The following COQ8A variants were observed in gnomAD, a reference collection of about 807,000 sequenced individuals.
COQ8A encodes the protein atypical kinase COQ8A, mitochondrial.
COQ8A carries 51 observed loss-of-function variants against 65.0 expected under a neutral mutation model. The ratio of observed to expected loss-of-function variants is 0.78; its 90% CI spans 0.63 to 0.99. The LOEUF (loss-of-function observed/expected upper bound fraction) is 0.99, where lower values mean the gene tolerates loss of function less well. COQ8A is among the 50% of genes least tolerant of loss of function. The pLI, the probability that COQ8A is intolerant of heterozygous loss-of-function variation, is 0.00. For missense variants in COQ8A, 940 were observed against 875.0 expected, an observed-to-expected ratio of 1.07 and a Z score of -0.94; for synonymous variants, 371 against 353.2, an observed-to-expected ratio of 1.05 and a Z score of -0.57.
At position 226,986,464 on chromosome 1, in the gene COQ8A, C is replaced by G. The variant is rs370899166; in HGVS notation, c.1671C>G (p.Asp557Glu). Residue 557 changes from aspartate (D) to glutamate (E), a missense_variant, in exon 15 of 15, where the codon GAC (aspartate) becomes GAG (glutamate). Coordinates refer to ENST00000366777, the MANE Select transcript of COQ8A (RefSeq NM_020247.5). ...CTCTCTTGCCCCAGGTCATGGAAGA[C>G]GCCCACTTGGATGCCATCCTCATCC... The part of the protein sequence containing the change: ...LTGYEVKVME[D>E]AHLDAILILG... The G allele has an allele frequency of 4.3e-6, 7 of 1,612,546 alleles. No individual in the cohort carries two copies. The African/African-American group carries it at 9.3e-5, about 22-fold the overall frequency.
At chr1:226,942,116 A>C (rs1201089566) in intron 1 of COQ8A, among the ~76,000 whole-genome samples, 2 of 152,002 alleles carry the variant, frequency 1.3e-5, no homozygotes, top group African/African-American at 4.8e-5. Context: ...GTGTTTCCAG[A>C]CATTGCCACG....
rs1039738620 is a variant in COQ8A at position 226,977,720 on chromosome 1, G to T, written c.730+197G>T. 2.5e-4 allele frequency among the ~76,000 whole-genome samples: 38 copies of T among 152,048 alleles called. 1 individual carries two copies. The highest frequency in any genetic ancestry group is 2.4e-3 in the Admixed American group (37 of 15,280). ...ACCTGCTTTAGAGGGGGTGAGGCTG[G>T]AGGCCCTTCCTCCTCCCAGCCCAAA... On this transcript the variant is annotated intron_variant, in intron 5 of 14. Transcript: ENST00000366777.
intron 1 of COQ8A, among the ~76,000 whole-genome samples, chr1:226,947,246 G>A (rs1324688805): frequency 6.6e-6 from 1 of 152,220 alleles, no homozygotes; most frequent in African/African-American, 2.4e-5. Context: ...TAGGCAGTAA[G>A]AAGAAAGGAC....
At chr1:226,964,272 CTG>C (rs1383166635) in intron 2 of COQ8A, among the ~76,000 whole-genome samples, 1 of 152,212 alleles carries the variant, frequency 6.6e-6, no homozygotes, top group East Asian at 1.9e-4. Context: ...GTAACTGTGA[CTG>C]TGAGGAGCCC....
chr1:226,973,364 C>T (rs983937245), intron 4 of COQ8A, among the ~76,000 whole-genome samples: 2 of 152,190 alleles, frequency 1.3e-5, no homozygotes, highest in Non-Finnish European at 2.9e-5. Flanking sequence ...CTTATTCTCT[C>T]CTGTTACAGA....
At chr1:226,941,557 A>G (rs1294684737) in intron 1 of COQ8A, among the ~76,000 whole-genome samples, 1 of 152,058 alleles carries the variant, frequency 6.6e-6, no homozygotes. Flanking sequence ...ACCGTAGGTC[A>G]GGAGTTCGAG....
At chr1:226,951,404 C>T (rs1657373659) in intron 1 of COQ8A, among the ~76,000 whole-genome samples, 1 of 152,162 alleles carries the variant, frequency 6.6e-6, no homozygotes, top group African/African-American at 2.4e-5. Context: ...CATTGGACAA[C>T]CCCTCCCAGC....
rs747707162 is a variant in COQ8A at position 226,982,986 on chromosome 1, G to A, written c.1032G>A (p.Val344=). 2.5e-5 allele frequency: 40 copies of A among 1,601,240 alleles called. No homozygotes were observed. In the African/African-American group the frequency reaches 4.8e-4, roughly 19 times the overall value. ...RPFAAASIGQ[V]HLARMKGGRE... ...TCGCCGCCGCATCCATTGGGCAGGT[G>A]CACTTGGCCCGAATGAAGGGCGGCC... is the stretch of plus-strand genomic sequence containing the variant. Residue 344 remains valine (V), a synonymous_variant, in exon 8 of 15, where the codon GTG becomes GTA. Coordinates refer to ENST00000366777, the MANE Select transcript of COQ8A (RefSeq NM_020247.5).
At chr1:226,958,607 A>G (rs953899630) in intron 1 of COQ8A, among the ~76,000 whole-genome samples, 1 of 152,192 alleles carries the variant, frequency 6.6e-6, no homozygotes, top group Non-Finnish European at 1.5e-5. Context: ...GAGGTCAGTG[A>G]ACTTGTGTTG....
chr1:226,959,831 T>C (rs1185211918), intron 1 of COQ8A, among the ~76,000 whole-genome samples: 2 of 152,208 alleles, frequency 1.3e-5, no homozygotes, highest in Non-Finnish European at 2.9e-5. Context: ...ACTGTTTAGG[T>C]AGGAAGAAAG....
In COQ8A at chr1:226,970,565, C is replaced by T. The variant is rs144336734; in HGVS notation, c.655+4828C>T. On this transcript the variant is annotated intron_variant, in intron 4 of 14. Coordinates refer to ENST00000366777, the MANE Select transcript of COQ8A (RefSeq NM_020247.5). ...ACTGAAATGTTACATGATGCGTGACCGTGCATGTTCTCTCTTTGTTAGCTC... is the reference window on the plus strand; with the variant it reads ...ACTGAAATGTTACATGATGCGTGACTGTGCATGTTCTCTCTTTGTTAGCTC... Among the ~76,000 whole-genome samples, 249 of 152,284 alleles carry T rather than the reference C, an allele frequency of 1.6e-3. 2 individuals carry two copies. The highest frequency in any genetic ancestry group is 3.0e-3 in the Non-Finnish European group (203 of 68,014).
chr1:226,945,612 G>A (rs552620565), intron 1 of COQ8A, among the ~76,000 whole-genome samples: 2 of 152,322 alleles, frequency 1.3e-5, no homozygotes, highest in South Asian at 4.1e-4. Flanking sequence ...GCTCCCTAAG[G>A]TGTTTACAGC....
chr1:226,950,768 T>TA (rs5781455), intron 1 of COQ8A, among the ~76,000 whole-genome samples: 5 of 151,322 alleles, frequency 3.3e-5, no homozygotes, highest in Non-Finnish European at 7.4e-5. Flanking sequence ...CTTTTTTTTT[T>TA]AAGAAAAAAT....
chr1:226,954,239 A>G (rs1196293042), intron 1 of COQ8A, among the ~76,000 whole-genome samples: 3 of 152,246 alleles, frequency 2.0e-5, no homozygotes, highest in Non-Finnish European at 4.4e-5. Context: ...TTGAAGAATA[A>G]TGGAAAAAGA....
At chr1:226,945,848 C>A (rs1014397214) in intron 1 of COQ8A, among the ~76,000 whole-genome samples, 2 of 152,248 alleles carry the variant, frequency 1.3e-5, no homozygotes, top group Non-Finnish European at 2.9e-5. Flanking sequence ...CTCCCTGGGT[C>A]TGTGTGCCCA....
At chr1:226,979,747 C>A (rs891562232) in intron 5 of COQ8A, among the ~76,000 whole-genome samples, 1 of 152,216 alleles carries the variant, frequency 6.6e-6, no homozygotes, top group South Asian at 2.1e-4. Context: ...CAGGCCCGGA[C>A]TGAGTCCTGG....
Position 226,972,551 on chromosome 1 carries a change from A to G in COQ8A, c.656-4898A>G, listed in dbSNP as rs528150239. ...GACTCTATTGGGTTTCCTAAGAGGTAAGGTAACTCTCTTATGTTAGAAAAC... is the reference window on the plus strand; with the variant it reads ...GACTCTATTGGGTTTCCTAAGAGGTGAGGTAACTCTCTTATGTTAGAAAAC... On this transcript the variant is annotated intron_variant, in intron 4 of 14. Transcript: ENST00000366777. The surrounding 1 kb of genome is among the most constrained non-coding windows in gnomAD (Gnocchi z 4.3). 2.3e-4 allele frequency among the ~76,000 whole-genome samples: 35 copies of G among 152,286 alleles called. No homozygotes were observed. The highest frequency in any genetic ancestry group is 8.2e-4 in the African/African-American group (34 of 41,560).
chr1:226,980,467 C>T (rs1321062644), intron 5 of COQ8A, among the ~76,000 whole-genome samples: 1 of 152,224 alleles, frequency 6.6e-6, no homozygotes, highest in Non-Finnish European at 1.5e-5. Context: ...CAAGGTTTGC[C>T]TCTCTGCCTG....
At chr1:226,960,191 T>G (rs1658075400) in intron 1 of COQ8A, among the ~76,000 whole-genome samples, 1 of 140,808 alleles carries the variant, frequency 7.1e-6, no homozygotes, top group Non-Finnish European at 1.5e-5. Context: ...ATGGTACTTG[T>G]GGTGGTGGTA....
Sources: allele counts gnomAD v4.1 joint callset (sites outside exome capture counted in the v4.1 genomes callset), GRCh38; gene constraint gnomAD v4.1.1; non-coding constraint Gnocchi (gnomAD v3.1); transcripts MANE v1.5; gene names NCBI Gene and HGNC (gene_info 2026-07-23, HGNC 2026-07-21).